YWHAH: variants seen among roughly 807,000 people sequenced by gnomAD.
YWHAH encodes the protein 14-3-3 protein eta.
YWHAH carries 6 observed loss-of-function variants against 22.9 expected under a neutral mutation model. That is an observed-to-expected ratio of 0.26 (90% CI 0.14 to 0.52). YWHAH has a LOEUF of 0.52. Ranked by LOEUF, YWHAH falls within the 20% of genes least tolerant of loss-of-function variation. The pLI is 0.97. For missense variants in YWHAH, 173 were observed against 308.6 expected, an observed-to-expected ratio of 0.56 and a Z score of 3.29; for synonymous variants, 135 against 124.5, an observed-to-expected ratio of 1.08 and a Z score of -0.56.
At chr22:31,954,862 A>G (rs2093847621) in intron 1 of YWHAH, among the ~76,000 whole-genome samples, 1 of 152,168 alleles carries the variant, frequency 6.6e-6, no homozygotes, top group Non-Finnish European at 1.5e-5. Flanking sequence ...CAAAGACCCT[A>G]TTTCCAAATA....
intron 1 of YWHAH, chr22:31,945,304 G>T (rs924800279): frequency 4.1e-6 from 5 of 1,205,452 alleles, no homozygotes; most frequent in Admixed American, 6.3e-5. Context: ...GATCTGTTTT[G>T]CTCTGCTCGT....
intron 1 of YWHAH, chr22:31,950,165 C>T (rs1603052035): frequency 3.6e-6 from 1 of 276,542 alleles, no homozygotes; most frequent in Non-Finnish European, 7.0e-6. Flanking sequence ...AAGTGCAGGA[C>T]TATGTTACAT....
Position 31,957,016 on chromosome 22 carries a change from TGGA to T in YWHAH, c.*226_*228del. On this transcript the variant is annotated 3_prime_UTR_variant, in exon 2 of 2. Coordinates refer to ENST00000248975, the MANE Select transcript of YWHAH (RefSeq NM_003405.4). ...ACAGGAGCTCCCTTTTTGAATTGTG[TGGA>T]GAAGTGTGTTCTGATGAGGCATTTT... 1 of 547,772 alleles carries T rather than the reference TGGA, an allele frequency of 1.8e-6. No individual in the cohort carries two copies. The highest frequency in any genetic ancestry group is 2.5e-5 in the South Asian group (1 of 39,668). 33.9% of individuals were successfully genotyped at this position (547,772 alleles called of 1,614,324 possible).
chr22:31,945,065 A>AGGG, intron 1 of YWHAH: 2 of 1,102,490 alleles, frequency 1.8e-6, no homozygotes, highest in Non-Finnish European at 2.2e-6. Context: ...CAGCCCCGGA[A>AGGG]GGGGGGCGGG....
At chr22:31,948,212 A>G (rs2093837758) in intron 1 of YWHAH, among the ~76,000 whole-genome samples, 2 of 152,206 alleles carry the variant, frequency 1.3e-5, no homozygotes, top group African/African-American at 2.4e-5. Flanking sequence ...AGGAAACAGG[A>G]GTCGGAGAGG....
At chr22:31,945,171 A>G (rs375107784) in intron 1 of YWHAH, 3 of 1,123,100 alleles carry the variant, frequency 2.7e-6, no homozygotes, top group Non-Finnish European at 3.3e-6. Flanking sequence ...AGAGCGTTTC[A>G]CCGGACCCGG....
rs866563149 is a variant in YWHAH, at chr22:31,944,564, C to T, written c.-170C>T. ...CGCGCGGGGCGAGCCAGCGAGAGGG[C>T]GCGAGCGGCGGCGCTGCCTGCAGCC... On this transcript the variant is annotated 5_prime_UTR_variant, in exon 1 of 2. Coordinates refer to ENST00000248975, the MANE Select transcript of YWHAH (RefSeq NM_003405.4). The T allele has an allele frequency of 2.3e-4, 66 of 291,536 alleles. 2 individuals are homozygous for T. In the South Asian group the frequency reaches 8.1e-3, roughly 36 times the overall value. 18.1% of individuals were successfully genotyped at this position (291,536 alleles called of 1,614,324 possible).
chr22:31,956,180 TCTC>T lies in YWHAH; in HGVS notation c.133_135del (p.Leu45del), dbSNP rs2093849377. On this transcript the variant is annotated inframe_deletion, in exon 2 of 2. Transcript: ENST00000248975. The surrounding 1 kb of genome is among the most constrained non-coding windows in gnomAD (Gnocchi z 5.1). ...AACCTCTCTCCAATGAAGATCGAAA[TCTC>T]CTCTCTGTGGCCTACAAGAATGTGG... 2 of 1,613,732 alleles carry T rather than the reference TCTC, an allele frequency of 1.2e-6. No homozygotes were observed. Among genetic ancestry groups the T allele is most frequent in the Non-Finnish European group, 1.7e-6 (2 of 1,179,902 alleles).
chr22:31,954,902 A>G (rs1428933265), intron 1 of YWHAH, among the ~76,000 whole-genome samples: 1 of 152,202 alleles, frequency 6.6e-6, no homozygotes. Context: ...CTAGGGTCAG[A>G]ACTTCAGCGT....
chr22:31,949,956 AT>A (rs34879732), intron 1 of YWHAH, among the ~76,000 whole-genome samples: 60 of 149,110 alleles, frequency 4.0e-4, no homozygotes, highest in African/African-American at 1.4e-3. Flanking sequence ...GGTGCAAGTC[AT>A]TTTTTTTTTC....
Position 31,944,609 on chromosome 22 carries a change from CCGGCCGGCGAGCCAGTGCGCGTGCG to C in YWHAH, c.-120_-96del, listed in dbSNP as rs2093830302. 1 of 661,754 alleles carries C rather than the reference CCGGCCGGCGAGCCAGTGCGCGTGCG, an allele frequency of 1.5e-6. No homozygotes were observed. Among genetic ancestry groups the C allele is most frequent in the African/African-American group, 1.9e-5 (1 of 51,652 alleles). 41.0% of individuals were successfully genotyped at this position (661,754 alleles called of 1,614,324 possible). On this transcript the variant is annotated 5_prime_UTR_variant, in exon 1 of 2. Transcript: ENST00000248975. ...GCAGCCTGCAGCCTGCAGCCTCCGG[CCGGCCGGCGAGCCAGTGCGCGTGCG>C]CGGCGGCGGCCTCCGCAGCGACCGG...
chr22:31,957,127 T>C lies in YWHAH; in HGVS notation c.*335T>C. 1 of 215,878 alleles carries C rather than the reference T, an allele frequency of 4.6e-6. No individual in the cohort carries two copies. The highest frequency in any genetic ancestry group is 9.3e-6 in the Non-Finnish European group (1 of 106,990). 13.4% of individuals were successfully genotyped at this position (215,878 alleles called of 1,614,324 possible). On this transcript the variant is annotated 3_prime_UTR_variant, in exon 2 of 2. Transcript: ENST00000248975. ...AATTAGCCAACCAGGCTACAGTTGATATTTAAAAGATCCATTTAAAACAAG... is the reference window on the plus strand; with the variant it reads ...AATTAGCCAACCAGGCTACAGTTGACATTTAAAAGATCCATTTAAAACAAG...
intron 1 of YWHAH, among the ~76,000 whole-genome samples, chr22:31,946,165 C>T (rs2093834271): frequency 6.6e-6 from 1 of 151,994 alleles, no homozygotes; most frequent in South Asian, 2.1e-4. Flanking sequence ...CACCGTTGCC[C>T]GTATGTTGAT....
At chr22:31,953,375 T>G (rs2093845679) in intron 1 of YWHAH, among the ~76,000 whole-genome samples, 1 of 152,196 alleles carries the variant, frequency 6.6e-6, no homozygotes, top group African/African-American at 2.4e-5. Flanking sequence ...TTCAGAAGTG[T>G]TGTTCGTTAA....
intron 1 of YWHAH, among the ~76,000 whole-genome samples, chr22:31,950,827 A>T (rs2093842336): frequency 6.6e-6 from 1 of 152,274 alleles, no homozygotes; most frequent in African/African-American, 2.4e-5. Flanking sequence ...AGCTTGGGGC[A>T]GGCCAGGCAA....
intron 1 of YWHAH, chr22:31,945,698 C>T (rs7290696): frequency 0.23 from 285,936 of 1,238,540 alleles, 34,801 homozygotes; most frequent in Non-Finnish European, 0.25. Context: ...TATTTCCTCT[C>T]CCTGCGTCAA....
intron 1 of YWHAH, among the ~76,000 whole-genome samples, chr22:31,955,662 C>T (rs577309293): frequency 5.3e-5 from 8 of 152,144 alleles, no homozygotes; most frequent in Admixed American, 1.3e-4. Context: ...AGAATGGTCT[C>T]GATCTCTTGA....
chr22:31,944,917 C>T (rs1454025651), intron 1 of YWHAH, 97 bp downstream of exon 1: 4 of 1,135,074 alleles, frequency 3.5e-6, no homozygotes, highest in Non-Finnish European at 1.1e-6. Context: ...CGGCCATGGG[C>T]GACCCGGCGA....
At chr22:31,949,154 T>C (rs2093839349) in intron 1 of YWHAH, among the ~76,000 whole-genome samples, 1 of 148,354 alleles carries the variant, frequency 6.7e-6, no homozygotes, top group African/African-American at 2.5e-5. Context: ...TTTTTTTTTT[T>C]TTTTGAGACA....
Sources: allele counts gnomAD v4.1 joint callset (sites outside exome capture counted in the v4.1 genomes callset), GRCh38; gene constraint gnomAD v4.1.1; non-coding constraint Gnocchi (gnomAD v3.1); transcripts MANE v1.5; gene names NCBI Gene and HGNC (gene_info 2026-07-23, HGNC 2026-07-21).